Variants in ELFN1 observed in about 807,000 individuals in gnomAD.
The protein encoded by ELFN1 is extracellular leucine rich repeat and fibronectin type III domain containing 1, also known as protein ELFN1.
A neutral mutation model predicts 7.6 loss-of-function variants in ELFN1; 6 were observed. That is an observed-to-expected ratio of 0.79 (90% confidence interval 0.43 to 1.56). The LOEUF (loss-of-function observed/expected upper bound fraction) is 1.56. Among genes scored for constraint, ELFN1 ranks in the 40% most tolerant of loss-of-function variants. The probability of loss-of-function intolerance (pLI) is 0.01; values close to 1 mark genes in which losing one functional copy is unlikely to be tolerated. For missense variants in ELFN1, 1,169 were observed against 1,232.2 expected (o/e 0.95, Z 0.77); for synonymous variants, 657 against 588.1 (o/e 1.12, Z -1.70).
chr7:1,736,763 G>A (rs895695790), intron 3 of ELFN1, among the ~76,000 whole-genome samples: 1 of 152,136 alleles, frequency 6.6e-6, no homozygotes, highest in Non-Finnish European at 1.5e-5. Context: ...CCTGGAGGTG[G>A]GAATTGGAGA....
At position 1,713,753 on chromosome 7, in the gene ELFN1, G is replaced by T. The variant is rs193260826; in HGVS notation, c.-294+4501G>T. Among the ~76,000 whole-genome samples the T allele has an allele frequency of 4.9e-3, 746 of 152,228 alleles. 5 individuals are homozygous for T. Among genetic ancestry groups the T allele is most frequent in the African/African-American group, 0.017 (716 of 41,550 alleles). On this transcript the variant is annotated intron_variant, in intron 3 of 3. Coordinates refer to ENST00000424383, the MANE Select transcript of ELFN1 (RefSeq NM_001128636.4). Reference sequence around the variant, plus strand: ...GGTCTCGGTTTCCCTCTCTGGGGAGGGGGGGGCGATGTCCTTGCCAGCAGA... The same window carrying T: ...GGTCTCGGTTTCCCTCTCTGGGGAGTGGGGGGCGATGTCCTTGCCAGCAGA...
In ELFN1 at chr7:1,688,144, A is replaced by C. The variant is rs1055000251; in HGVS notation, c.-462A>C. ...TACGTTGGTCTCCCAAAGTGCTGGG[A>C]TTACAGGTATGAGCCACTGCACCTG... On this transcript the variant is annotated 5_prime_UTR_variant, in exon 2 of 4. Coordinates refer to ENST00000424383, the MANE Select transcript of ELFN1 (RefSeq NM_001128636.4). The C allele has an allele frequency of 6.7e-6, 1 of 148,798 alleles. No individual in the cohort carries two copies. Among genetic ancestry groups the C allele is most frequent in the African/African-American group, 2.5e-5 (1 of 40,356 alleles). 9.2% of individuals were successfully genotyped at this position (148,798 alleles called of 1,614,324 possible).
At chr7:1,696,637 A>G (rs1298245550) in intron 2 of ELFN1, among the ~76,000 whole-genome samples, 1 of 152,124 alleles carries the variant, frequency 6.6e-6, no homozygotes, top group Non-Finnish European at 1.5e-5. Flanking sequence ...TCCTGGCTCA[A>G]TCAGTCCTCC....
Position 1,747,332 on chromosome 7 carries a change from A to C in ELFN1, c.*249A>C. ...CACACACACACACACACACACACAC[A>C]CACGAGGGACTTCGGAAAACTGTGT... On this transcript the variant is annotated 3_prime_UTR_variant, in exon 4 of 4. Coordinates refer to ENST00000424383, the MANE Select transcript of ELFN1 (RefSeq NM_001128636.4). 4 of 224,356 alleles carry C rather than the reference A, an allele frequency of 1.8e-5. No homozygotes were observed. The highest frequency in any genetic ancestry group is 8.6e-6 in the Non-Finnish European group (1 of 116,636). 13.9% of individuals were successfully genotyped at this position (224,356 alleles called of 1,614,324 possible).
At chr7:1,725,568 C>G (rs1436099883) in intron 3 of ELFN1, among the ~76,000 whole-genome samples, 2 of 152,242 alleles carry the variant, frequency 1.3e-5, no homozygotes, top group Non-Finnish European at 2.9e-5. Flanking sequence ...AGAGGGTGCA[C>G]TCACACCCCA....
chr7:1,741,970 A>G (rs1780630853), intron 3 of ELFN1, among the ~76,000 whole-genome samples: 1 of 151,586 alleles, frequency 6.6e-6, no homozygotes, highest in Non-Finnish European at 1.5e-5. Context: ...ACATCTGTAC[A>G]CACACACAGA....
chr7:1,667,886 C>A (rs905608765), upstream of ELFN1, among the ~76,000 whole-genome samples: 27 of 145,848 alleles, frequency 1.9e-4, no homozygotes, highest in African/African-American at 6.1e-4. This position sits in a 1 kb window ranked among gnomAD's most constrained non-coding sequence, Gnocchi z 8.2. Context: ...CGCCAATCGG[C>A]GCGGCCACGG....
chr7:1,704,340 C>T (rs2128585492), intron 2 of ELFN1, among the ~76,000 whole-genome samples: 1 of 152,300 alleles, frequency 6.6e-6, no homozygotes, highest in East Asian at 1.9e-4. Flanking sequence ...GAGACCCAGT[C>T]TCTTGGTCCT....
At chr7:1,671,169 C>G (rs1397466799) in intron 1 of ELFN1, among the ~76,000 whole-genome samples, 1 of 113,642 alleles carries the variant, frequency 8.8e-6, no homozygotes. Context: ...TACCGCACAC[C>G]GCCCCCCCCC....
chr7:1,737,775 A>C (rs552396660), intron 3 of ELFN1, among the ~76,000 whole-genome samples: 2 of 152,200 alleles, frequency 1.3e-5, no homozygotes, highest in South Asian at 4.2e-4. Flanking sequence ...TCCAGAGGCC[A>C]CTGGTGGTTC....
intron 2 of ELFN1, among the ~76,000 whole-genome samples, chr7:1,697,185 G>C (rs1562364414): frequency 6.6e-6 from 1 of 152,214 alleles, no homozygotes; most frequent in African/African-American, 2.4e-5. Context: ...GCAGAGAGGA[G>C]CCCCCCACCC....
intron 3 of ELFN1, among the ~76,000 whole-genome samples, chr7:1,724,971 C>G (rs1460618552): frequency 6.6e-6 from 1 of 152,244 alleles, no homozygotes; most frequent in African/African-American, 2.4e-5. Context: ...CCCTCCCCAC[C>G]ATGCCGGGCA....
chr7:1,719,493 C>T (rs1188314517), intron 3 of ELFN1, among the ~76,000 whole-genome samples: 2 of 152,362 alleles, frequency 1.3e-5, no homozygotes, highest in Middle Eastern at 3.4e-3. Flanking sequence ...ACACACCCAC[C>T]CCTGGAGACC....
intron 3 of ELFN1, among the ~76,000 whole-genome samples, chr7:1,734,668 C>T (rs1280129343): frequency 6.6e-6 from 1 of 151,996 alleles, no homozygotes; most frequent in African/African-American, 2.4e-5. Flanking sequence ...TCTGCATATT[C>T]TGGGGTGAGG....
At chr7:1,708,949 C>CTTGAGGTG (rs1452648695) in intron 2 of ELFN1, 142 bp from the exon 3 acceptor site, 1 of 152,202 alleles carries the variant, frequency 6.6e-6, no homozygotes, top group Non-Finnish European at 1.5e-5. Context: ...CTGATTTGTT[C>CTTGAGGTG]TTGAGGTGTG....
Position 1,745,311 on chromosome 7 carries a change from C to T in ELFN1, c.715C>T (p.His239Tyr), listed in dbSNP as rs1432321246. 1 of 1,538,968 alleles carries T rather than the reference C, an allele frequency of 6.5e-7. No individual in the cohort carries two copies. The highest frequency in any genetic ancestry group is 8.7e-7 in the Non-Finnish European group (1 of 1,146,768). ...CCTCCTGGGCCAGGGCCGCCGCGGC[C>T]ACCGCAGCATCCTCAGCAAACTGCA... ...YYLLGQGRRGHRSILSKLQSV... is the reference protein window; with the variant it reads ...YYLLGQGRRGYRSILSKLQSV... The change falls in exon 4 of 4, where the codon CAC (histidine) becomes TAC (tyrosine). Residue 239 changes from histidine to tyrosine, a missense_variant. His to Tyr is a moderately conservative substitution (Grantham distance 83, BLOSUM62 2). This residue lies in a region of ELFN1 where 255 missense variants were observed against 359.6 expected (regional missense o/e 0.71). Coordinates refer to ENST00000424383, the MANE Select transcript of ELFN1 (RefSeq NM_001128636.4).
intron 2 of ELFN1, 123 bp downstream of exon 2, chr7:1,688,273 C>G (rs1779095240): frequency 6.6e-6 from 1 of 152,090 alleles, no homozygotes. Context: ...AATATCTTCT[C>G]TCATTCCATG....
chr7:1,708,005 C>T (rs1222863873), intron 2 of ELFN1, among the ~76,000 whole-genome samples: 1 of 152,174 alleles, frequency 6.6e-6, no homozygotes, highest in African/African-American at 2.4e-5. Context: ...CAGAGCCCAG[C>T]ACCAACCCCC....
Position 1,695,772 on chromosome 7 carries a change from A to AT in ELFN1, c.-456+7622_-456+7623insT, listed in dbSNP as rs398003395. The stretch of plus-strand genomic sequence containing the variant: ...CAAAAAAAAAAAAAAAAAAAAAAAA[A>AT]CCGTGCTGGTTTGGTTTCACTGACT... On this transcript the variant is annotated intron_variant, in intron 2 of 3. Transcript: ENST00000424383. This position sits in a 1 kb window ranked among gnomAD's most constrained non-coding sequence, Gnocchi z 5.1. 1.4e-4 allele frequency among the ~76,000 whole-genome samples: 21 copies of AT among 149,838 alleles called. 1 individual carries two copies. Among genetic ancestry groups the AT allele is most frequent in the Non-Finnish European group, 2.7e-4 (18 of 67,404 alleles).
Sources: allele counts gnomAD v4.1 joint callset (sites outside exome capture counted in the v4.1 genomes callset), GRCh38; gene constraint gnomAD v4.1.1; regional missense constraint gnomAD v4.1.1; non-coding constraint Gnocchi (gnomAD v3.1); transcripts MANE v1.5; gene names NCBI Gene and HGNC (gene_info 2026-07-23, HGNC 2026-07-21).